SNX18: variants seen among roughly 807,000 people sequenced by gnomAD.
SNX18 encodes the protein sorting nexin-18.
In SNX18, 35 loss-of-function variants were observed where a neutral mutation model predicts 48.7. That is an observed-to-expected ratio of 0.72 (90% CI 0.55 to 0.95). SNX18 has a LOEUF of 0.95. Among genes scored for constraint, SNX18 ranks in the 40% least tolerant of loss-of-function variants. SNX18 has a pLI of 0.00. For missense variants in SNX18, 824 were observed against 871.0 expected (o/e 0.95, Z 0.68); for synonymous variants, 492 against 384.7 (o/e 1.28, Z -3.26).
the SNX18 span, among the ~76,000 whole-genome samples, chr5:54,593,296 G>A: frequency 1.3e-5 from 2 of 152,000 alleles, no homozygotes; most frequent in African/African-American, 4.8e-5. Flanking sequence ...GAACCTAATG[G>A]GGCTCAAAAG....
the SNX18 span, among the ~76,000 whole-genome samples, chr5:54,630,970 G>A: frequency 6.6e-6 from 1 of 152,120 alleles, no homozygotes; most frequent in African/African-American, 2.4e-5. Context: ...AGGAGCCCAG[G>A]TTTTCAAGCC....
chr5:54,638,900 G>A, the SNX18 span, among the ~76,000 whole-genome samples: 1 of 152,130 alleles, frequency 6.6e-6, no homozygotes, highest in Non-Finnish European at 1.5e-5. Context: ...AAGGCCTGAG[G>A]TGGGACCCTT....
At chr5:54,580,695 A>G in the SNX18 span, among the ~76,000 whole-genome samples, 3,569 of 152,310 alleles carry the variant, frequency 0.023, 140 homozygotes, top group African/African-American at 0.08. Flanking sequence ...TCTCCTGAAA[A>G]TATTCATCAA....
chr5:54,622,554 C>T, the SNX18 span, among the ~76,000 whole-genome samples: 1 of 149,808 alleles, frequency 6.7e-6, no homozygotes, highest in African/African-American at 2.4e-5. Flanking sequence ...CTGTAGGGCT[C>T]TGCAAATGCT....
intron 1 of SNX18, chr5:54,519,983 TGGA>T (rs1468977802): frequency 3.0e-6 from 2 of 671,268 alleles, no homozygotes; most frequent in Non-Finnish European, 5.0e-6. Flanking sequence ...GAGGAAATAA[TGGA>T]GAAGAACGGA....
chr5:54,539,641 G>C (rs568176958), intron 1 of SNX18, among the ~76,000 whole-genome samples: 1 of 152,092 alleles, frequency 6.6e-6, no homozygotes, highest in South Asian at 2.1e-4. Flanking sequence ...GTGCTTTGTG[G>C]TGTGTCTCCT....
At chr5:54,627,194 A>T in the SNX18 span, among the ~76,000 whole-genome samples, 2 of 152,192 alleles carry the variant, frequency 1.3e-5, no homozygotes, top group Admixed American at 6.5e-5. Flanking sequence ...TGATTTTAAC[A>T]ATGAGGGACT....
chr5:54,627,568 G>A, the SNX18 span, among the ~76,000 whole-genome samples: 13 of 152,118 alleles, frequency 8.5e-5, no homozygotes, highest in Non-Finnish European at 1.6e-4. Context: ...ATAAGTTGGG[G>A]CCCTCCTGGG....
chr5:54,606,751 TC>T, the SNX18 span, among the ~76,000 whole-genome samples: 3 of 152,334 alleles, frequency 2.0e-5, no homozygotes, highest in African/African-American at 7.2e-5. Context: ...TAGTATAATA[TC>T]ACAACCAGGA....
At chr5:54,627,379 A>G in the SNX18 span, among the ~76,000 whole-genome samples, 2 of 152,068 alleles carry the variant, frequency 1.3e-5, no homozygotes, top group Admixed American at 1.3e-4. Flanking sequence ...TTTCCTGGGG[A>G]TATGTTTTGA....
At chr5:54,646,812 A>G in the SNX18 span, among the ~76,000 whole-genome samples, 1 of 152,182 alleles carries the variant, frequency 6.6e-6, no homozygotes, top group East Asian at 1.9e-4. Context: ...TGGCTCCTAC[A>G]AATGCAAGAG....
the SNX18 span, among the ~76,000 whole-genome samples, chr5:54,598,224 G>A: frequency 2.0e-5 from 3 of 152,092 alleles, no homozygotes; most frequent in African/African-American, 7.2e-5. Flanking sequence ...TTCCAAAATC[G>A]AGGCAGTAAT....
the SNX18 span, among the ~76,000 whole-genome samples, chr5:54,607,005 A>G: frequency 6.6e-6 from 1 of 152,160 alleles, no homozygotes; most frequent in Non-Finnish European, 1.5e-5. Flanking sequence ...GCAACCATTA[A>G]CAAATATGTC....
chr5:54,615,217 G>A, the SNX18 span, among the ~76,000 whole-genome samples: 8 of 152,206 alleles, frequency 5.3e-5, no homozygotes, highest in African/African-American at 1.4e-4. Context: ...TTTGTCTCTC[G>A]ACTTCCAGAT....
At chr5:54,534,680 GT>G (rs71600840) in intron 1 of SNX18, among the ~76,000 whole-genome samples, 50 of 146,404 alleles carry the variant, frequency 3.4e-4, no homozygotes, top group Middle Eastern at 3.4e-3. Context: ...TTTTTGTTTT[GT>G]TTTTTTTTTC....
the SNX18 span, chr5:54,645,036 C>T: frequency 6.6e-6 from 1 of 152,176 alleles, no homozygotes; most frequent in Admixed American, 6.5e-5. Context: ...GCAAGATCCA[C>T]AGGTGATTTG....
intron 1 of SNX18, among the ~76,000 whole-genome samples, chr5:54,535,044 CTTT>C (rs1005480163): frequency 1.2e-4 from 19 of 152,006 alleles, no homozygotes; most frequent in Non-Finnish European, 2.4e-4. Context: ...AAATTTGAGC[CTTT>C]TAAGGTAATA....
rs186539572 is a variant in SNX18, at chr5:54,537,062, G to C, written c.1622-6117G>C. Among the ~76,000 whole-genome samples the C allele has an allele frequency of 1.5e-3, 232 of 152,324 alleles. 2 individuals carry two copies. The highest frequency in any genetic ancestry group is 5.3e-3 in the African/African-American group (219 of 41,566). On this transcript the variant is annotated intron_variant, in intron 1 of 1. Coordinates refer to ENST00000381410, the MANE Select transcript of SNX18 (RefSeq NM_001102575.2). ...TGTATTTTTCAGGCTGGGCGCTGCA[G>C]CTTATGCTTATAATCCCAGCAGTTT...
At chr5:54,643,417 T>G in the SNX18 span, 3 of 152,178 alleles carry the variant, frequency 2.0e-5, no homozygotes, top group African/African-American at 7.2e-5. Context: ...TAGCAATACT[T>G]AGCACACAAA....
Sources: gnomAD v4.1 joint callset for allele counts (sites outside exome capture counted in the v4.1 genomes callset) on GRCh38, gnomAD v4.1.1 for gene constraint, MANE v1.5 for transcripts, NCBI Gene and HGNC (gene_info 2026-07-23, HGNC 2026-07-21) for gene names.